Variants in NTNG1 observed in about 807,000 individuals in gnomAD.
NTNG1 encodes the protein netrin G1, also known as netrin-G1.
NTNG1 carries 16 observed loss-of-function variants against 54.0 expected under a neutral mutation model. The observed-to-expected ratio is 0.30, with a 90% CI of 0.20 to 0.45. NTNG1 has a LOEUF of 0.45. NTNG1 is among the 20% of genes least tolerant of loss of function. The pLI is 1.00. For missense variants in NTNG1, 530 were observed against 678.7 expected (o/e 0.78, Z 2.43); for synonymous variants, 255 against 263.1 (o/e 0.97, Z 0.30).
intron 2 of NTNG1, among the ~76,000 whole-genome samples, chr1:107,172,383 T>G (rs1656316978): frequency 6.6e-6 from 1 of 152,132 alleles, no homozygotes; most frequent in African/African-American, 2.4e-5. Flanking sequence ...CTTTTATATG[T>G]GTTCATTCAT....
intron 2 of NTNG1, among the ~76,000 whole-genome samples, chr1:107,198,902 G>A (rs1026469852): frequency 1.3e-5 from 2 of 151,738 alleles, no homozygotes; most frequent in African/African-American, 4.8e-5. Context: ...GCTATATTCT[G>A]GGGACAACTG....
chr1:107,330,051 T>C (rs1284977773), intron 3 of NTNG1, among the ~76,000 whole-genome samples: 4 of 152,102 alleles, frequency 2.6e-5, no homozygotes, highest in African/African-American at 7.2e-5. Context: ...TCTTGAAATA[T>C]GGGTTTTATT....
intron 3 of NTNG1, among the ~76,000 whole-genome samples, chr1:107,366,275 T>C (rs1175125697): frequency 2.0e-5 from 3 of 152,192 alleles, no homozygotes; most frequent in Non-Finnish European, 4.4e-5. Flanking sequence ...AGCTGGCAGT[T>C]GCTGCTATGG....
At chr1:107,237,861 C>T (rs1232584816) in intron 2 of NTNG1, among the ~76,000 whole-genome samples, 1 of 152,186 alleles carries the variant, frequency 6.6e-6, no homozygotes, top group African/African-American at 2.4e-5. Flanking sequence ...CAAAAGTTTG[C>T]TGCAGGGATG....
chr1:107,439,158 G>A (rs550726528), intron 7 of NTNG1, among the ~76,000 whole-genome samples: 3 of 152,256 alleles, frequency 2.0e-5, no homozygotes, highest in East Asian at 1.9e-4. Flanking sequence ...GCCCAACATG[G>A]GGAGTAAGTC....
intron 3 of NTNG1, among the ~76,000 whole-genome samples, chr1:107,380,978 C>T (rs1330586413): frequency 6.6e-6 from 1 of 152,164 alleles, no homozygotes. Flanking sequence ...AGGTCCCTTT[C>T]ATCTGTTTGT....
chr1:107,432,358 A>G (rs190700445), intron 6 of NTNG1, among the ~76,000 whole-genome samples: 1 of 152,300 alleles, frequency 6.6e-6, no homozygotes, highest in Non-Finnish European at 1.5e-5. Flanking sequence ...AGGCAGATTG[A>G]CCCAAATCTT....
intron 7 of NTNG1, 27 bp from the exon 8 acceptor site, chr1:107,480,584 A>AC: frequency 4.6e-5 from 10 of 215,832 alleles, no homozygotes; most frequent in South Asian, 1.9e-4. Context: ...GCGCCCACCC[A>AC]CCCCTACCTT....
In NTNG1 at chr1:107,299,425, C is replaced by G. The variant is rs1270740454; in HGVS notation, c.247-24857C>G. On this transcript the variant is annotated intron_variant, in intron 2 of 7. Transcript: ENST00000370068. ...TCGTAGCACATACAGTGGTACTTCT[C>G]AAAATCAATGGTGTAGTGGATTTTA... Among the ~76,000 whole-genome samples, 4 of 152,138 alleles carry G rather than the reference C, an allele frequency of 2.6e-5. No homozygotes were observed. In the East Asian group the frequency reaches 7.7e-4, roughly 29 times the overall value.
intron 7 of NTNG1, among the ~76,000 whole-genome samples, chr1:107,443,977 C>T (rs1286457492): frequency 2.0e-5 from 3 of 152,022 alleles, no homozygotes; most frequent in Admixed American, 2.0e-4. Context: ...CAGTAGGAGC[C>T]TCCCAGAGGC....
intron 7 of NTNG1, among the ~76,000 whole-genome samples, chr1:107,451,926 T>C (rs1408517133): frequency 6.6e-6 from 1 of 152,190 alleles, no homozygotes; most frequent in Non-Finnish European, 1.5e-5. Flanking sequence ...CTAATGGCTC[T>C]GGTTGTGAAA....
chr1:107,379,423 C>G (rs1349976624), intron 3 of NTNG1, among the ~76,000 whole-genome samples: 1 of 152,102 alleles, frequency 6.6e-6, no homozygotes, highest in African/African-American at 2.4e-5. Flanking sequence ...GATTCAAGCA[C>G]CTGAAAGTTT....
chr1:107,395,631 C>A (rs1672639239), intron 4 of NTNG1, among the ~76,000 whole-genome samples: 1 of 152,054 alleles, frequency 6.6e-6, no homozygotes, highest in African/African-American at 2.4e-5. Flanking sequence ...AAATTAATTT[C>A]CTATTAAAAT....
chr1:107,336,214 TAC>T (rs1668569144), intron 3 of NTNG1, among the ~76,000 whole-genome samples: 1 of 151,112 alleles, frequency 6.6e-6, no homozygotes, highest in Non-Finnish European at 1.5e-5. Context: ...CAAAACTTAC[TAC>T]AAAGTCACAG....
chr1:107,246,091 G>T (rs1662175305), intron 2 of NTNG1, among the ~76,000 whole-genome samples: 1 of 152,024 alleles, frequency 6.6e-6, no homozygotes, highest in Non-Finnish European at 1.5e-5. Flanking sequence ...TTGCTCTGTT[G>T]CCCAGGCTGG....
chr1:107,280,558 T>C (rs1036956555), intron 2 of NTNG1, among the ~76,000 whole-genome samples: 1 of 151,896 alleles, frequency 6.6e-6, no homozygotes, highest in African/African-American at 2.4e-5. Flanking sequence ...TGATTTTTGG[T>C]TATCCATTCT....
intron 2 of NTNG1, among the ~76,000 whole-genome samples, chr1:107,226,845 G>A (rs1334927509): frequency 6.6e-6 from 1 of 152,104 alleles, no homozygotes. Context: ...CTTGTGTGAA[G>A]TAACTGGCTC....
intron 7 of NTNG1, chr1:107,455,504 G>T: frequency 2.5e-6 from 1 of 405,546 alleles, no homozygotes; most frequent in South Asian, 1.7e-5. Context: ...CAGCAGGCTT[G>T]TTCTTCTTCA....
chr1:107,220,839 T>C (rs1248935824), intron 2 of NTNG1, among the ~76,000 whole-genome samples: 1 of 152,172 alleles, frequency 6.6e-6, no homozygotes, highest in Admixed American at 6.5e-5. Context: ...AAGGGAAAAA[T>C]ACAGAAAATG....
Sources: gnomAD v4.1 joint callset for allele counts (sites outside exome capture counted in the v4.1 genomes callset) on GRCh38, gnomAD v4.1.1 for gene constraint, MANE v1.5 for transcripts, NCBI Gene and HGNC (gene_info 2026-07-23, HGNC 2026-07-21) for gene names.